Variants in KCNN2 observed in about 807,000 individuals in gnomAD.
The protein encoded by KCNN2 is small conductance calcium-activated potassium channel protein 2.
KCNN2 carries 24 observed loss-of-function variants against 55.5 expected under a neutral mutation model. The observed-to-expected ratio is 0.43, with a 90% CI of 0.31 to 0.61. The LOEUF (loss-of-function observed/expected upper bound fraction) is 0.61. Ranked by LOEUF, KCNN2 falls within the 20% of genes least tolerant of loss-of-function variation. The pLI is 0.08. For missense variants in KCNN2, 754 were observed against 853.6 expected (o/e 0.88, Z 1.45); for synonymous variants, 431 against 336.1 (o/e 1.28, Z -3.09).
chr5:114,449,947 GC>G (rs1760599169), intron 3 of KCNN2, among the ~76,000 whole-genome samples: 1 of 149,906 alleles, frequency 6.7e-6, no homozygotes, highest in Non-Finnish European at 1.5e-5. Context: ...CCTTAGAAGA[GC>G]CCTTAACCCA....
At chr5:114,068,731 T>C (rs969703044) in intron 1 of KCNN2, among the ~76,000 whole-genome samples, 1 of 152,216 alleles carries the variant, frequency 6.6e-6, no homozygotes, top group African/African-American at 2.4e-5. Context: ...CAAGGAAAGA[T>C]AGGAGAGGAA....
intron 3 of KCNN2, among the ~76,000 whole-genome samples, chr5:114,457,194 C>G (rs1242075202): frequency 1.3e-5 from 2 of 152,274 alleles, no homozygotes; most frequent in Admixed American, 6.5e-5. Context: ...GCCATCTCAA[C>G]CTTCAGCAAG....
At chr5:114,372,819 C>T (rs1417256432) in intron 2 of KCNN2, among the ~76,000 whole-genome samples, 5 of 151,968 alleles carry the variant, frequency 3.3e-5, no homozygotes, top group African/African-American at 4.8e-5. Context: ...CATGTTTAAA[C>T]ATTCTTAATA....
At chr5:114,281,176 T>C (rs554735386) in intron 2 of KCNN2, among the ~76,000 whole-genome samples, 1 of 152,320 alleles carries the variant, frequency 6.6e-6, no homozygotes, top group South Asian at 2.1e-4. Flanking sequence ...CATTATATTG[T>C]ATAATGCATT....
chr5:114,112,973 A>C (rs538158752), intron 1 of KCNN2, among the ~76,000 whole-genome samples: 1 of 152,154 alleles, frequency 6.6e-6, no homozygotes, highest in Non-Finnish European at 1.5e-5. Context: ...AAATAGCCAG[A>C]GTCTGAATTG....
intron 1 of KCNN2, among the ~76,000 whole-genome samples, chr5:114,139,264 T>C (rs2112502131): frequency 6.6e-6 from 1 of 152,164 alleles, no homozygotes; most frequent in Non-Finnish European, 1.5e-5. Flanking sequence ...AATTTTGTGG[T>C]GTTGTTTTCT....
chr5:114,469,165 G>T (rs1761595447), intron 4 of KCNN2, among the ~76,000 whole-genome samples: 1 of 152,154 alleles, frequency 6.6e-6, no homozygotes, highest in Non-Finnish European at 1.5e-5. Context: ...TCATTTGTCT[G>T]TTCAGTTTAA....
rs1303251341 is a variant in KCNN2, at chr5:114,130,789, C to G, written c.-271+74289C>G. On this transcript the variant is annotated intron_variant, in intron 1 of 10. Transcript: ENST00000512097. ...AAAACCAAGGATAAAGGCAGACAGC[C>G]TCAAAGCATGTATGTATACATCTAT... Among the ~76,000 whole-genome samples, 2 of 152,146 alleles carry G rather than the reference C, an allele frequency of 1.3e-5. 1 individual carries two copies. The highest frequency in any genetic ancestry group is 4.8e-5 in the African/African-American group (2 of 41,430).
At chr5:114,342,740 T>C (rs1431635540) in intron 2 of KCNN2, among the ~76,000 whole-genome samples, 1 of 152,218 alleles carries the variant, frequency 6.6e-6, no homozygotes, top group Admixed American at 6.5e-5. Context: ...TAATTTAGTT[T>C]TCTTGATCAC....
chr5:114,135,176 C>T (rs1752150252), intron 1 of KCNN2, among the ~76,000 whole-genome samples: 1 of 151,760 alleles, frequency 6.6e-6, no homozygotes, highest in South Asian at 2.1e-4. Context: ...CACAGAAGGT[C>T]CCCAGAATGC....
intron 1 of KCNN2, among the ~76,000 whole-genome samples, chr5:114,107,099 T>G (rs1751503576): frequency 6.6e-6 from 1 of 152,030 alleles, no homozygotes; most frequent in South Asian, 2.1e-4. Flanking sequence ...TTTAAAAAAT[T>G]TTTCCTCTCA....
chr5:114,108,102 C>G (rs1325274981), intron 1 of KCNN2, among the ~76,000 whole-genome samples: 3 of 150,950 alleles, frequency 2.0e-5, no homozygotes, highest in East Asian at 3.9e-4. Flanking sequence ...TCTTTATTTT[C>G]TTTTTTTGAA....
At chr5:114,289,871 CT>C (rs1430220790) in intron 2 of KCNN2, among the ~76,000 whole-genome samples, 1 of 152,048 alleles carries the variant, frequency 6.6e-6, no homozygotes, top group African/African-American at 2.4e-5. Flanking sequence ...GTGTACAAGT[CT>C]TTCATTTTCT....
At chr5:114,298,296 G>A (rs1756073309) in intron 2 of KCNN2, among the ~76,000 whole-genome samples, 1 of 152,240 alleles carries the variant, frequency 6.6e-6, no homozygotes, top group Admixed American at 6.5e-5. Context: ...AGCTTCTAGT[G>A]CCTTCTCCCT....
chr5:114,086,123 C>T (rs1751011002), intron 1 of KCNN2, among the ~76,000 whole-genome samples: 1 of 152,004 alleles, frequency 6.6e-6, no homozygotes, highest in Non-Finnish European at 1.5e-5. Context: ...CCATCTCTCC[C>T]TTCCTTCCTG....
chr5:114,327,375 T>C (rs1756732948), intron 2 of KCNN2, among the ~76,000 whole-genome samples: 1 of 152,204 alleles, frequency 6.6e-6, no homozygotes. Flanking sequence ...CTTTCTAGAA[T>C]GTCCTTCACT....
intron 1 of KCNN2, among the ~76,000 whole-genome samples, chr5:114,153,329 C>T (rs1368365556): frequency 6.6e-6 from 1 of 152,130 alleles, no homozygotes; most frequent in Non-Finnish European, 1.5e-5. Context: ...AGTAGGCTGA[C>T]CTCCATGGAA....
chr5:114,336,057 A>G (rs1756917586), intron 2 of KCNN2, among the ~76,000 whole-genome samples: 2 of 152,212 alleles, frequency 1.3e-5, no homozygotes, highest in African/African-American at 4.8e-5. Context: ...AGACATTCTA[A>G]AGCAACTAAT....
chr5:114,432,381 A>T (rs192705472), intron 3 of KCNN2, among the ~76,000 whole-genome samples: 1 of 152,360 alleles, frequency 6.6e-6, no homozygotes, highest in East Asian at 1.9e-4. Context: ...TGAAATTAAT[A>T]TAGCTACTCC....
Sources: gnomAD v4.1 joint callset for allele counts (sites outside exome capture counted in the v4.1 genomes callset) on GRCh38, gnomAD v4.1.1 for gene constraint, MANE v1.5 for transcripts, NCBI Gene and HGNC (gene_info 2026-07-23, HGNC 2026-07-21) for gene names.